TFDP1: variants seen among roughly 807,000 people sequenced by gnomAD.
TFDP1 encodes DRTF1-polypeptide 1.
TFDP1 carries 6 observed loss-of-function variants against 48.0 expected under a neutral mutation model. That is an observed-to-expected ratio of 0.13 (90% CI 0.07 to 0.25). The LOEUF is 0.25. TFDP1 is among the 10% of genes least tolerant of loss of function. The pLI is 1.00. For missense variants in TFDP1, 335 were observed against 543.0 expected, an observed-to-expected ratio of 0.62 and a Z score of 3.81; for synonymous variants, 201 against 211.6, an observed-to-expected ratio of 0.95 and a Z score of 0.44.
At chr13:113,606,918 C>G (rs528380332) in intron 2 of TFDP1, among the ~76,000 whole-genome samples, 1 of 152,170 alleles carries the variant, frequency 6.6e-6, no homozygotes, top group African/African-American at 2.4e-5. Flanking sequence ...GATTTCCTGT[C>G]TTACAGCCTC....
Position 113,595,158 on chromosome 13 carries a change from G to A in TFDP1, c.12+9309G>A, listed in dbSNP as rs775970074. 1.1e-4 allele frequency among the ~76,000 whole-genome samples: 16 copies of A among 152,082 alleles called. 1 individual carries two copies. The highest frequency in any genetic ancestry group is 3.6e-4 in the African/African-American group (15 of 41,382). ...TCAGTTACTGAAAAAGTGGGTTAAC[G>A]TGGGAGATAATTAAAAAAAAGACGC... On this transcript the variant is annotated intron_variant, in intron 2 of 11. Transcript: ENST00000375370.
chr13:113,605,256 C>T (rs1336752364), intron 2 of TFDP1, among the ~76,000 whole-genome samples: 1 of 151,904 alleles, frequency 6.6e-6, no homozygotes, highest in Non-Finnish European at 1.5e-5. Context: ...AGTGGGATCT[C>T]GTTTTTCAGG....
chr13:113,636,291 C>T (rs1412757378), intron 9 of TFDP1, among the ~76,000 whole-genome samples, 163 bp downstream of exon 9: 1 of 152,262 alleles, frequency 6.6e-6, no homozygotes, highest in East Asian at 1.9e-4. Context: ...CGCCATGTGG[C>T]AGATGGAAGG....
At chr13:113,612,952 C>T (rs1008508974) in intron 3 of TFDP1, among the ~76,000 whole-genome samples, 3 of 152,184 alleles carry the variant, frequency 2.0e-5, no homozygotes, top group African/African-American at 4.8e-5. Context: ...CCTGGATCGC[C>T]GGCAGCAGCT....
chr13:113,628,585 G>A (rs2049251932), intron 4 of TFDP1, among the ~76,000 whole-genome samples: 1 of 152,230 alleles, frequency 6.6e-6, no homozygotes, highest in African/African-American at 2.4e-5. Flanking sequence ...GAAAGCCCTG[G>A]TTGGAGTGGG....
Position 113,627,740 on chromosome 13 carries a change from G to A in TFDP1, c.187-3883G>A, listed in dbSNP as rs577021573. Among the ~76,000 whole-genome samples the A allele has an allele frequency of 1.4e-5, 2 of 146,856 alleles. No homozygotes were observed. Among genetic ancestry groups the A allele is most frequent in the Admixed American group, 6.6e-5 (1 of 15,086 alleles). On this transcript the variant is annotated intron_variant, in intron 4 of 11. Transcript: ENST00000375370. The surrounding 1 kb of genome is among the most constrained non-coding windows in gnomAD (Gnocchi z 4.1). Reference sequence around the variant, plus strand: ...CAGGAGCGCAAACCCCACTGTGAACGGCACATGCAGGATCTAGGTGGCACT... The same window carrying A: ...CAGGAGCGCAAACCCCACTGTGAACAGCACATGCAGGATCTAGGTGGCACT...
chr13:113,591,850 C>T (rs1224778521), intron 2 of TFDP1, among the ~76,000 whole-genome samples: 1 of 152,130 alleles, frequency 6.6e-6, no homozygotes, highest in African/African-American at 2.4e-5. Flanking sequence ...ATTAGGTGAC[C>T]CCTCATCCCC....
intron 2 of TFDP1, among the ~76,000 whole-genome samples, chr13:113,593,318 G>A (rs1320922123): frequency 1.4e-5 from 2 of 140,646 alleles, no homozygotes; most frequent in Admixed American, 6.9e-5. Flanking sequence ...TGTGGTGTGC[G>A]CAGGTCCTCA....
At chr13:113,634,126 C>T in intron 7 of TFDP1, 93 bp downstream of exon 7, 3 of 1,548,680 alleles carry the variant, frequency 1.9e-6, no homozygotes, top group South Asian at 1.1e-5. Context: ...GGGCTCCGTG[C>T]CCTTATGCTC....
In TFDP1 at chr13:113,604,299, A is replaced by G. The variant is rs149610968; in HGVS notation, c.13-6697A>G. 3.5e-4 allele frequency among the ~76,000 whole-genome samples: 53 copies of G among 152,320 alleles called. 1 individual carries two copies. The highest frequency in any genetic ancestry group is 1.3e-3 in the African/African-American group (52 of 41,570). Reference sequence around the variant, plus strand: ...TTTCCTACAGCTCCTTACATGCTCAAGCTGGTAATTGTGGTCTAGTAGTAG... The same window carrying G: ...TTTCCTACAGCTCCTTACATGCTCAGGCTGGTAATTGTGGTCTAGTAGTAG... On this transcript the variant is annotated intron_variant, in intron 2 of 11. Coordinates refer to ENST00000375370, the MANE Select transcript of TFDP1 (RefSeq NM_007111.5).
rs574585603 is a variant in TFDP1, at chr13:113,594,336, G to T, written c.12+8487G>T. 3.1e-4 allele frequency among the ~76,000 whole-genome samples: 46 copies of T among 148,924 alleles called. No homozygotes were observed. The East Asian group carries it at 8.7e-3, about 28-fold the overall frequency. On this transcript the variant is annotated intron_variant, in intron 2 of 11. Coordinates refer to ENST00000375370, the MANE Select transcript of TFDP1 (RefSeq NM_007111.5). The stretch of plus-strand genomic sequence containing the variant: ...CTCACCCTGCCCAGGTGACAGGTGT[G>T]CTGTGCACGCGTCCTCAGCTATACA...
intron 3 of TFDP1, among the ~76,000 whole-genome samples, chr13:113,620,593 G>A (rs2048973794): frequency 3.3e-5 from 5 of 152,300 alleles, no homozygotes; most frequent in Admixed American, 2.6e-4. Flanking sequence ...TCCCTGCATA[G>A]TAGAATATTA....
At chr13:113,588,644 A>G in intron 2 of TFDP1, among the ~76,000 whole-genome samples, 1 of 152,188 alleles carries the variant, frequency 6.6e-6, no homozygotes, top group East Asian at 1.9e-4. Context: ...CAGAGTGGGT[A>G]GGAAATGACT....
chr13:113,638,083 C>T (rs4150817), intron 11 of TFDP1, among the ~76,000 whole-genome samples, 187 bp downstream of exon 11: 2,216 of 152,312 alleles, frequency 0.015, 48 homozygotes, highest in African/African-American at 0.051. Flanking sequence ...TAGTTGGTTT[C>T]TGCTCACTAA....
chr13:113,584,819 C>G lies in TFDP1; in HGVS notation c.-134C>G, dbSNP rs1402831921. ...CGGCCCGGCCCCAGCCCGCGCCTCT[C>G]CGCGCCGCCCCGCGCTCCGCACCGC... On this transcript the variant is annotated 5_prime_UTR_variant, in exon 1 of 12. Coordinates refer to ENST00000375370, the MANE Select transcript of TFDP1 (RefSeq NM_007111.5). 8.2e-5 allele frequency: 12 copies of G among 146,172 alleles called. No individual in the cohort carries two copies. The highest frequency in any genetic ancestry group is 8.2e-4 in the Admixed American group (12 of 14,720). The allele number at this position is 146,172 out of a possible 1,614,324, so 9.1% of individuals were successfully genotyped here.
chr13:113,632,966 G>T (rs1406661939), intron 5 of TFDP1, among the ~76,000 whole-genome samples, 154 bp from the exon 6 acceptor site: 1 of 152,248 alleles, frequency 6.6e-6, no homozygotes, highest in Non-Finnish European at 1.5e-5. Flanking sequence ...GGGCTAGGGG[G>T]TCCTGGCCTG....
At chr13:113,632,859 C>T (rs1398368315) in intron 5 of TFDP1, among the ~76,000 whole-genome samples, 2 of 152,228 alleles carry the variant, frequency 1.3e-5, no homozygotes, top group Non-Finnish European at 2.9e-5. Context: ...GTCCTGGGGA[C>T]GCCTCCCGTT....
chr13:113,628,667 C>G (rs1413432043), intron 4 of TFDP1, among the ~76,000 whole-genome samples: 3 of 152,256 alleles, frequency 2.0e-5, no homozygotes, highest in Non-Finnish European at 4.4e-5. Flanking sequence ...AGGGTCTCTG[C>G]CCACCACTCC....
In TFDP1 at chr13:113,623,322, G is replaced by T. The variant is rs4150757; in HGVS notation, c.186+36G>T. ...CGCAGGAGCGGACAGCCGGGATCTCGGTGTGAGGTCGGGATCGGATGAGCC... is the reference window on the plus strand; with the variant it reads ...CGCAGGAGCGGACAGCCGGGATCTCTGTGTGAGGTCGGGATCGGATGAGCC... On this transcript the variant is annotated intron_variant, in intron 4 of 11. Coordinates refer to ENST00000375370, the MANE Select transcript of TFDP1 (RefSeq NM_007111.5). This position sits in a 1 kb window ranked among gnomAD's most constrained non-coding sequence, Gnocchi z 5.2. 9.6e-6 allele frequency: 15 copies of T among 1,568,178 alleles called. No homozygotes were observed. In the East Asian group the frequency reaches 1.7e-4, roughly 17 times the overall value.
Sources: allele counts gnomAD v4.1 joint callset (sites outside exome capture counted in the v4.1 genomes callset), GRCh38; gene constraint gnomAD v4.1.1; non-coding constraint Gnocchi (gnomAD v3.1); transcripts MANE v1.5; gene names NCBI Gene and HGNC (gene_info 2026-07-23, HGNC 2026-07-21).